SORCS2: variants seen among roughly 807,000 people sequenced by gnomAD.
The protein encoded by SORCS2 is VPS10 domain-containing receptor SorCS2.
In SORCS2, 100 loss-of-function variants were observed where a neutral mutation model predicts 141.6. That is an observed-to-expected ratio of 0.71 (90% CI 0.60 to 0.83). The LOEUF (loss-of-function observed/expected upper bound fraction) is 0.83, where lower values mean the gene tolerates loss of function less well. Ranked by LOEUF, SORCS2 falls within the 40% of genes least tolerant of loss-of-function variation. The pLI, the probability that SORCS2 is intolerant of heterozygous loss-of-function variation, is 0.00. For missense variants in SORCS2, 1,646 were observed against 1,560.2 expected (o/e 1.05, Z -0.93); for synonymous variants, 789 against 676.9 (o/e 1.17, Z -2.57).
At chr4:7,591,101 T>A (rs879750147) in intron 3 of SORCS2, among the ~76,000 whole-genome samples, 1 of 152,192 alleles carries the variant, frequency 6.6e-6, no homozygotes, top group African/African-American at 2.4e-5. Flanking sequence ...GCAGATGGGA[T>A]GAAGTGGGCA....
At chr4:7,605,048 C>T (rs1717974528) in intron 3 of SORCS2, among the ~76,000 whole-genome samples, 1 of 152,230 alleles carries the variant, frequency 6.6e-6, no homozygotes, top group South Asian at 2.1e-4. Context: ...GCGTATTTCT[C>T]TCTCAGGATC....
Position 7,627,729 on chromosome 4 carries a change from G to A in SORCS2, c.649-10599G>A, listed in dbSNP as rs190495916. ...ACCTTGGGCAGGCTGGAATGAAGGC[G>A]TGCCCTCGGTCCACACAAGAGAAGG... On this transcript the variant is annotated intron_variant, in intron 3 of 26. Coordinates refer to ENST00000507866, the MANE Select transcript of SORCS2 (RefSeq NM_020777.3). Among the ~76,000 whole-genome samples, 409 of 151,938 alleles carry A rather than the reference G, an allele frequency of 2.7e-3. 2 individuals are homozygous for A. Among genetic ancestry groups the A allele is most frequent in the South Asian group, 0.011 (55 of 4,804 alleles).
chr4:7,454,364 G>A (rs1474211946), intron 2 of SORCS2, among the ~76,000 whole-genome samples: 1 of 130,182 alleles, frequency 7.7e-6, no homozygotes, highest in African/African-American at 3.0e-5. Flanking sequence ...GTTGGGGTCA[G>A]GAGCTGTGTG....
At chr4:7,300,112 C>A (rs901298039) in intron 1 of SORCS2, among the ~76,000 whole-genome samples, 1 of 152,188 alleles carries the variant, frequency 6.6e-6, no homozygotes, top group Non-Finnish European at 1.5e-5. Context: ...GTGGAACAGG[C>A]ATCGTCCCAC....
At chr4:7,605,232 G>T (rs984107360) in intron 3 of SORCS2, among the ~76,000 whole-genome samples, 1 of 152,220 alleles carries the variant, frequency 6.6e-6, no homozygotes, top group African/African-American at 2.4e-5. Flanking sequence ...GGAGGAAAAG[G>T]GGTGAAGAAA....
intron 2 of SORCS2, among the ~76,000 whole-genome samples, chr4:7,467,598 G>A (rs943074113): frequency 6.6e-6 from 1 of 152,208 alleles, no homozygotes; most frequent in Non-Finnish European, 1.5e-5. Flanking sequence ...GCTGCTCACA[G>A]CTCAGCGGGG....
intron 1 of SORCS2, among the ~76,000 whole-genome samples, chr4:7,354,538 G>A (rs1468469184): frequency 2.0e-5 from 3 of 152,222 alleles, no homozygotes; most frequent in East Asian, 1.9e-4. Flanking sequence ...GTGCAGCCCC[G>A]GCTAAGGCCC....
At chr4:7,640,465 TG>T (rs1368764724) in intron 4 of SORCS2, among the ~76,000 whole-genome samples, 4 of 69,078 alleles carry the variant, frequency 5.8e-5, no homozygotes, top group African/African-American at 1.7e-4. Context: ...TGTATGAGCG[TG>T]TGTGTGTGTG....
At chr4:7,589,368 C>T (rs978783250) in intron 3 of SORCS2, among the ~76,000 whole-genome samples, 9 of 150,252 alleles carry the variant, frequency 6.0e-5, no homozygotes, top group African/African-American at 2.2e-4. Flanking sequence ...CCTTTATAGG[C>T]ATGCCCTCTT....
intron 2 of SORCS2, among the ~76,000 whole-genome samples, chr4:7,413,674 C>T (rs1725477676): frequency 6.6e-6 from 1 of 152,170 alleles, no homozygotes; most frequent in Non-Finnish European, 1.5e-5. Context: ...AGGCGTGAGC[C>T]ACTGCACCTG....
intron 2 of SORCS2, among the ~76,000 whole-genome samples, chr4:7,421,019 C>T (rs1034936995): frequency 2.6e-5 from 4 of 152,208 alleles, no homozygotes; most frequent in Non-Finnish European, 2.9e-5. Context: ...TTGGTTCTGC[C>T]CTCCTCCTTG....
At chr4:7,696,636 G>A (rs55853258) in intron 11 of SORCS2, among the ~76,000 whole-genome samples, 22,399 of 152,216 alleles carry the variant, frequency 0.15, 1,747 homozygotes, top group South Asian at 0.31. Context: ...TGGGGCTCCA[G>A]TAAACCCAAA....
intron 3 of SORCS2, among the ~76,000 whole-genome samples, chr4:7,614,199 C>G (rs746513587): frequency 6.8e-6 from 1 of 146,812 alleles, no homozygotes; most frequent in Non-Finnish European, 1.5e-5. Context: ...CATCCATCCA[C>G]CTATTCATCC....
chr4:7,574,292 G>T (rs549160788), intron 3 of SORCS2, among the ~76,000 whole-genome samples: 42 of 152,362 alleles, frequency 2.8e-4, no homozygotes, highest in Admixed American at 7.2e-4. Context: ...TTGATGACTG[G>T]CTTCCCCTGT....
At chr4:7,501,611 A>T (rs1237439169) in intron 2 of SORCS2, among the ~76,000 whole-genome samples, 1 of 152,154 alleles carries the variant, frequency 6.6e-6, no homozygotes, top group Non-Finnish European at 1.5e-5. Context: ...GGCTTCTCGC[A>T]CCCGGTCTTC....
At chr4:7,602,198 G>A (rs191674165) in intron 3 of SORCS2, among the ~76,000 whole-genome samples, 2,150 of 152,320 alleles carry the variant, frequency 0.014, 50 homozygotes, top group African/African-American at 0.049. Flanking sequence ...CCTCCCAGAC[G>A]GGGTGGCTGC....
At chr4:7,545,825 A>G (rs1713217225) in intron 3 of SORCS2, among the ~76,000 whole-genome samples, 1 of 152,202 alleles carries the variant, frequency 6.6e-6, no homozygotes, top group South Asian at 2.1e-4. Context: ...GTCAGCTCGG[A>G]TGGCTCTCAC....
intron 3 of SORCS2, among the ~76,000 whole-genome samples, chr4:7,631,253 C>G (rs991488204): frequency 1.3e-5 from 2 of 151,396 alleles, no homozygotes; most frequent in African/African-American, 2.4e-5. Context: ...AGGGCTCAGT[C>G]ACAGGGGTGC....
chr4:7,484,805 C>T (rs1305487497), intron 2 of SORCS2, among the ~76,000 whole-genome samples: 8 of 152,192 alleles, frequency 5.3e-5, no homozygotes, highest in African/African-American at 1.9e-4. Context: ...CTCCCTCCTG[C>T]ACCCAGCCCC....
Sources: allele counts gnomAD v4.1 joint callset (sites outside exome capture counted in the v4.1 genomes callset), GRCh38; gene constraint gnomAD v4.1.1; transcripts MANE v1.5; gene names NCBI Gene and HGNC (gene_info 2026-07-23, HGNC 2026-07-21).